The following SHANK2 variants were observed in gnomAD, a reference collection of about 807,000 sequenced individuals.
SHANK2 encodes SH3 and multiple ankyrin repeat domains protein 2.
Under a neutral mutation model 133.7 loss-of-function variants are expected in SHANK2, and 43 were observed. That is an observed-to-expected ratio of 0.32 (90% CI 0.25 to 0.41). The LOEUF (loss-of-function observed/expected upper bound fraction) is 0.41, where lower values mean the gene tolerates loss of function less well. SHANK2 is among the 10% of genes least tolerant of loss of function. The pLI is 1.00. For synonymous variants in SHANK2, 1,017 were observed against 952.8 expected (o/e 1.07, Z -1.24); for missense variants, 1,994 against 2,235.8 (o/e 0.89, Z 2.18).
At chr11:70,789,254 A>G (rs1555047390) in intron 14 of SHANK2, among the ~76,000 whole-genome samples, 1 of 152,182 alleles carries the variant, frequency 6.6e-6, no homozygotes, top group East Asian at 1.9e-4. Flanking sequence ...CGAGGCTCAA[A>G]TGAGGTCCTG....
intron 10 of SHANK2, among the ~76,000 whole-genome samples, chr11:70,909,352 A>C (rs1259643510): frequency 6.6e-6 from 1 of 152,170 alleles, no homozygotes; most frequent in Non-Finnish European, 1.5e-5. Context: ...AGGGAGGCTG[A>C]GTCTAGTGAG....
At chr11:70,941,046 C>G (rs1383164360) in intron 10 of SHANK2, among the ~76,000 whole-genome samples, 1 of 152,152 alleles carries the variant, frequency 6.6e-6, no homozygotes, top group Non-Finnish European at 1.5e-5. Context: ...GGCAGAGGGG[C>G]TGATGGAAAA....
intron 14 of SHANK2, among the ~76,000 whole-genome samples, chr11:70,702,352 C>T (rs1448091682): frequency 6.8e-6 from 1 of 146,624 alleles, no homozygotes; most frequent in South Asian, 2.3e-4. Flanking sequence ...ACCATCACCA[C>T]CACCATCACC....
chr11:70,686,029 C>CCCCA (rs1555019454), intron 15 of SHANK2, among the ~76,000 whole-genome samples: 1 of 132,854 alleles, frequency 7.5e-6, no homozygotes, highest in Non-Finnish European at 1.6e-5. Context: ...CCAGCCATGC[C>CCCCA]CCCACCCACC....
intron 10 of SHANK2, among the ~76,000 whole-genome samples, chr11:70,953,743 G>A (rs1359806408): frequency 6.6e-6 from 1 of 152,164 alleles, no homozygotes; most frequent in Non-Finnish European, 1.5e-5. Flanking sequence ...CACCTTCTCT[G>A]GCGACACCCT....
chr11:71,166,245 A>G (rs1425329766), intron 2 of SHANK2, among the ~76,000 whole-genome samples: 1 of 152,182 alleles, frequency 6.6e-6, no homozygotes, highest in Non-Finnish European at 1.5e-5. Context: ...TCTGCAACAG[A>G]TAGTCTGTGG....
chr11:70,828,604 C>T (rs924826197), intron 11 of SHANK2, among the ~76,000 whole-genome samples: 2 of 152,230 alleles, frequency 1.3e-5, no homozygotes, highest in African/African-American at 2.4e-5. Context: ...ATGTGTCCTC[C>T]GGGTGGACCA....
chr11:71,214,916 G>C (rs894905438), intron 2 of SHANK2, among the ~76,000 whole-genome samples: 1 of 152,194 alleles, frequency 6.6e-6, no homozygotes, highest in Non-Finnish European at 1.5e-5. Context: ...AGGCCACCAA[G>C]CATCCCGCCT....
Position 71,109,941 on chromosome 11 carries a change from C to T in SHANK2, c.592G>A (p.Glu198Lys), listed in dbSNP as rs1951866257. Residue 198 changes from glutamate to lysine, a missense_variant and splice_region_variant, in exon 6 of 26, where the codon GAG (glutamate) becomes AAG (lysine). Glu to Lys is a moderately conservative substitution (Grantham distance 56). Transcript: ENST00000601538. Reference sequence around the variant, plus strand: ...AAGGTCCCCTCTAGCAAGTGCTCACCTCCGGTCTCCGGGTCGTGGAAATTG... The same window carrying T: ...AAGGTCCCCTCTAGCAAGTGCTCACTTCCGGTCTCCGGGTCGTGGAAATTG... ...DPNFHDPETGETPLTLAAQLD... is the reference protein window; with the variant it reads ...DPNFHDPETGKTPLTLAAQLD... The T allele has an allele frequency of 6.5e-7, 1 of 1,548,866 alleles. No individual in the cohort carries two copies. The highest frequency in any genetic ancestry group is 1.2e-5 in the South Asian group (1 of 84,010).
chr11:70,497,509 G>A (rs573104718), intron 21 of SHANK2, among the ~76,000 whole-genome samples: 1 of 152,314 alleles, frequency 6.6e-6, no homozygotes, highest in East Asian at 1.9e-4. Flanking sequence ...AGATGCCCCA[G>A]CAGTCACCCG....
intron 13 of SHANK2, among the ~76,000 whole-genome samples, chr11:70,805,051 T>A (rs1948130261): frequency 6.6e-6 from 1 of 152,178 alleles, no homozygotes; most frequent in African/African-American, 2.4e-5. Flanking sequence ...CATGGGTCAG[T>A]ATGCCTGAGT....
At chr11:70,572,411 C>T (rs1159537618) in intron 17 of SHANK2, among the ~76,000 whole-genome samples, 6 of 152,318 alleles carry the variant, frequency 3.9e-5, no homozygotes, top group Admixed American at 2.0e-4. Context: ...CCTCCTGTCT[C>T]GGCCTCCCAA....
chr11:70,539,059 T>C (rs938075544), intron 17 of SHANK2, among the ~76,000 whole-genome samples: 7 of 152,198 alleles, frequency 4.6e-5, no homozygotes, highest in African/African-American at 7.2e-5. Context: ...TACTTTTACC[T>C]TATGCAGAGT....
rs555247422 is a variant in SHANK2, at chr11:70,720,774, C to T, written c.1778-22011G>A. Among the ~76,000 whole-genome samples, 8 of 152,334 alleles carry T rather than the reference C, an allele frequency of 5.3e-5. No individual in the cohort carries two copies. In the South Asian group the frequency reaches 6.2e-4, roughly 12 times the overall value. On this transcript the variant is annotated intron_variant, in intron 14 of 25. Transcript: ENST00000601538. ...ACACACACACATTCATGTAGCACAC[C>T]GGCATGCACAATGCACACGTGTGCA... is the stretch of plus-strand genomic sequence containing the variant.
In SHANK2 at chr11:71,224,678, G is replaced by C. The variant is rs1954612025; in HGVS notation, c.-13+19C>G. On this transcript the variant is annotated intron_variant, in intron 2 of 25. Coordinates refer to ENST00000601538, the MANE Select transcript of SHANK2 (RefSeq NM_012309.5). ...CTGGCTTGCAGGTAACAAGGACAGG[G>C]GAAAATGTTATAACTCACCAGAGGT... 6.6e-6 allele frequency: 1 copy of C among 152,244 alleles called. No individual in the cohort carries two copies. Among genetic ancestry groups the C allele is most frequent in the Non-Finnish European group, 1.5e-5 (1 of 68,096 alleles). 9.4% of individuals were successfully genotyped at this position (152,244 alleles called of 1,614,324 possible).
At chr11:70,635,913 T>C (rs1466499774) in intron 17 of SHANK2, among the ~76,000 whole-genome samples, 1 of 152,216 alleles carries the variant, frequency 6.6e-6, no homozygotes, top group Admixed American at 6.5e-5. Flanking sequence ...TGACACAGCC[T>C]GAAAGGCCCC....
intron 14 of SHANK2, among the ~76,000 whole-genome samples, chr11:70,792,481 C>T (rs1464076269): frequency 1.3e-5 from 2 of 152,174 alleles, no homozygotes; most frequent in Non-Finnish European, 2.9e-5. Context: ...GTTTGTTATC[C>T]CCAACCTCCA....
At chr11:70,545,975 G>T (rs1377763854) in intron 17 of SHANK2, among the ~76,000 whole-genome samples, 1 of 152,110 alleles carries the variant, frequency 6.6e-6, no homozygotes, top group Non-Finnish European at 1.5e-5. Context: ...CTGCACCTCT[G>T]AACAGCCCAC....
intron 25 of SHANK2, among the ~76,000 whole-genome samples, chr11:70,482,499 C>T (rs1321325206): frequency 6.6e-6 from 1 of 152,214 alleles, no homozygotes; most frequent in Non-Finnish European, 1.5e-5. Flanking sequence ...TGAGCCAGCT[C>T]CATGGGTTGG....
Sources: gnomAD v4.1 joint callset for allele counts (sites outside exome capture counted in the v4.1 genomes callset) on GRCh38, gnomAD v4.1.1 for gene constraint, MANE v1.5 for transcripts, NCBI Gene and HGNC (gene_info 2026-07-23, HGNC 2026-07-21) for gene names.